Variants in PITPNB observed in about 807,000 individuals in gnomAD.
The protein encoded by PITPNB is phosphatidylinositol transfer protein beta isoform.
Under a neutral mutation model 45.9 loss-of-function variants are expected in PITPNB, and 16 were observed. The observed-to-expected ratio is 0.35, with a 90% confidence interval of 0.24 to 0.53. The LOEUF (loss-of-function observed/expected upper bound fraction) is 0.53, where lower values mean the gene tolerates loss of function less well. Among genes scored for constraint, PITPNB ranks in the 20% least tolerant of loss-of-function variants. PITPNB has a pLI of 0.93. For synonymous variants in PITPNB, 112 were observed against 108.9 expected (o/e 1.03, Z -0.18); for missense variants, 188 against 330.5 (o/e 0.57, Z 3.34).
chr22:27,904,441 T>C (rs893877438), intron 3 of PITPNB, among the ~76,000 whole-genome samples: 2 of 152,130 alleles, frequency 1.3e-5, no homozygotes, highest in Non-Finnish European at 2.9e-5. Context: ...AGACAGAAAG[T>C]AGATCAGTGG....
chr22:27,888,635 A>G (rs1430087932), intron 7 of PITPNB, among the ~76,000 whole-genome samples: 1 of 152,236 alleles, frequency 6.6e-6, no homozygotes, highest in Non-Finnish European at 1.5e-5. Flanking sequence ...AACAAAGAGA[A>G]CAAAACACAC....
chr22:27,857,058 G>A (rs1934194411), intron 10 of PITPNB, among the ~76,000 whole-genome samples: 2 of 152,170 alleles, frequency 1.3e-5, no homozygotes, highest in South Asian at 4.1e-4. Flanking sequence ...AATAAGGAAT[G>A]AGGGGGGTAT....
At chr22:27,860,426 C>T (rs984156526) in intron 8 of PITPNB, 185 bp from the exon 9 acceptor site, 3 of 494,724 alleles carry the variant, frequency 6.1e-6, no homozygotes, top group Non-Finnish European at 7.3e-6. Context: ...TGCTGTAAAC[C>T]CTCCTTCCAC....
intron 8 of PITPNB, among the ~76,000 whole-genome samples, chr22:27,866,722 A>G (rs765479953): frequency 6.6e-5 from 10 of 152,336 alleles, no homozygotes; most frequent in Admixed American, 4.6e-4. Flanking sequence ...GCAAAGACAC[A>G]GCAGTTTCTG....
At chr22:27,875,354 G>C (rs891374478) in intron 7 of PITPNB, among the ~76,000 whole-genome samples, 1 of 152,248 alleles carries the variant, frequency 6.6e-6, no homozygotes, top group African/African-American at 2.4e-5. Flanking sequence ...AGTCTGCAAG[G>C]AGCTGGACAA....
chr22:27,897,302 A>G (rs1474388537), intron 4 of PITPNB, among the ~76,000 whole-genome samples, 165 bp from the exon 5 acceptor site: 1 of 152,252 alleles, frequency 6.6e-6, no homozygotes, highest in Non-Finnish European at 1.5e-5. Flanking sequence ...CACACAAGTG[A>G]CACTATACAG....
chr22:27,874,459 G>A (rs1934760227), intron 7 of PITPNB, among the ~76,000 whole-genome samples: 1 of 152,170 alleles, frequency 6.6e-6, no homozygotes, highest in African/African-American at 2.4e-5. Flanking sequence ...TCACGGGACT[G>A]CCTCAGTTAT....
At chr22:27,859,517 C>T (rs977455765) in intron 9 of PITPNB, among the ~76,000 whole-genome samples, 13 of 152,224 alleles carry the variant, frequency 8.5e-5, no homozygotes, top group African/African-American at 2.4e-4. Context: ...TAGTAACAAC[C>T]GTGTGCATTT....
At chr22:27,891,869 A>C (rs1251267986) in intron 7 of PITPNB, among the ~76,000 whole-genome samples, 1 of 152,212 alleles carries the variant, frequency 6.6e-6, no homozygotes, top group Non-Finnish European at 1.5e-5. Flanking sequence ...TTAAGTGCTC[A>C]CATTTAATCT....
chr22:27,859,225 T>C (rs2146347535), intron 9 of PITPNB, among the ~76,000 whole-genome samples: 1 of 152,362 alleles, frequency 6.6e-6, no homozygotes, highest in Middle Eastern at 3.4e-3. Context: ...AACTGGATTG[T>C]TAATCTATGA....
rs1934090360 is a variant in PITPNB at position 27,853,672 on chromosome 22, A to G, written c.*39-9T>C. ...TGACCTTGATTACGTAACTGTAAGA[A>G]AAGTGAAAGACAGTGCAAAATGTGT... is the stretch of plus-strand genomic sequence containing the variant. On this transcript the variant is annotated splice_polypyrimidine_tract_variant and intron_variant, in intron 11 of 11. Transcript: ENST00000335272. 1.9e-5 allele frequency: 30 copies of G among 1,547,110 alleles called. No homozygotes were observed. In the South Asian group the frequency reaches 3.3e-4, roughly 17 times the overall value.
At chr22:27,874,335 C>A (rs899104997) in intron 7 of PITPNB, among the ~76,000 whole-genome samples, 2 of 152,246 alleles carry the variant, frequency 1.3e-5, no homozygotes, top group African/African-American at 2.4e-5. Context: ...AGTTTCTTGA[C>A]TGGCTTCTCC....
chr22:27,854,578 G>A (rs1183606488), intron 11 of PITPNB, among the ~76,000 whole-genome samples: 1 of 152,150 alleles, frequency 6.6e-6, no homozygotes, highest in Non-Finnish European at 1.5e-5. Context: ...TGGCTTCCAG[G>A]ACAATGTGCT....
rs1935670905 is a variant in PITPNB, at chr22:27,903,571, G to T, written c.198-5679C>A. On this transcript the variant is annotated intron_variant, in intron 3 of 11. Coordinates refer to ENST00000335272, the MANE Select transcript of PITPNB (RefSeq NM_012399.5). ...CAGGAGGATAGCTTAAGCACCAGGA[G>T]TTGGAGACCAGCCTGGGCAATACAG... is the stretch of plus-strand genomic sequence containing the variant. Among the ~76,000 whole-genome samples the T allele has an allele frequency of 5.9e-5, 9 of 151,482 alleles. No individual in the cohort carries two copies. In the South Asian group the frequency reaches 1.9e-3, roughly 32 times the overall value.
At chr22:27,899,537 G>C (rs560844994) in intron 3 of PITPNB, among the ~76,000 whole-genome samples, 1 of 151,940 alleles carries the variant, frequency 6.6e-6, no homozygotes, top group East Asian at 2.0e-4. Context: ...GTTAGCCAGG[G>C]TGGTCTTCAT....
At chr22:27,857,120 TC>T (rs1220974154) in intron 10 of PITPNB, among the ~76,000 whole-genome samples, 1 of 152,050 alleles carries the variant, frequency 6.6e-6, no homozygotes, top group African/African-American at 2.4e-5. Flanking sequence ...GAACTCAGAG[TC>T]CTAATATTAG....
chr22:27,874,743 G>A (rs149509802), intron 7 of PITPNB, among the ~76,000 whole-genome samples: 1 of 152,174 alleles, frequency 6.6e-6, no homozygotes, highest in African/African-American at 2.4e-5. Context: ...GACCGTGGTC[G>A]GTTGGTCAGT....
chr22:27,855,065 T>C lies in PITPNB; in HGVS notation c.769-126A>G. On this transcript the variant is annotated intron_variant, in intron 10 of 11. Transcript: ENST00000335272. ...TTCATAACCATATCCACATTAAGAA[T>C]GAAGTTCTGTGGCCCCTCAAATAAC... 2 of 650,774 alleles carry C rather than the reference T, an allele frequency of 3.1e-6. 1 individual carries two copies. The highest frequency in any genetic ancestry group is 5.8e-4 in the Middle Eastern group (2 of 3,424). 40.3% of individuals were successfully genotyped at this position (650,774 alleles called of 1,614,324 possible).
intron 7 of PITPNB, among the ~76,000 whole-genome samples, chr22:27,885,322 T>C (rs1281657564): frequency 1.4e-5 from 2 of 146,826 alleles, no homozygotes; most frequent in Non-Finnish European, 3.0e-5. Context: ...CATGTGCATT[T>C]CATCAGGACA....
Sources: allele counts gnomAD v4.1 joint callset (sites outside exome capture counted in the v4.1 genomes callset), GRCh38; gene constraint gnomAD v4.1.1; transcripts MANE v1.5; gene names NCBI Gene and HGNC (gene_info 2026-07-23, HGNC 2026-07-21).